The following CMKLR1 variants were observed in gnomAD, a reference collection of about 807,000 sequenced individuals.
CMKLR1 encodes the protein chemerin-like receptor 1.
In CMKLR1, 6 loss-of-function variants were observed where a neutral mutation model predicts 8.2. The observed-to-expected ratio is 0.73, with a 90% CI of 0.40 to 1.44. The LOEUF is 1.44. CMKLR1 is among the 40% of genes most tolerant of loss of function. The pLI, the probability that CMKLR1 is intolerant of heterozygous loss-of-function variation, is 0.02. For synonymous variants in CMKLR1, 178 were observed against 181.2 expected (o/e 0.98, Z 0.14); for missense variants, 429 against 478.0 (o/e 0.90, Z 0.96).
At chr12:108,298,936 G>A (rs540759557) in intron 2 of CMKLR1, among the ~76,000 whole-genome samples, 1 of 152,352 alleles carries the variant, frequency 6.6e-6, no homozygotes, top group South Asian at 2.1e-4. Flanking sequence ...TGCCAGGGAG[G>A]AGATGGCAGC....
At chr12:108,307,920 C>T (rs1258283449) in intron 2 of CMKLR1, among the ~76,000 whole-genome samples, 2 of 152,164 alleles carry the variant, frequency 1.3e-5, no homozygotes, top group Non-Finnish European at 2.9e-5. Flanking sequence ...CTGTGGCACA[C>T]CTAGAAAAAC....
chr12:108,292,554 G>C lies in CMKLR1; in HGVS notation c.409C>G (p.Arg137Gly). The C allele has an allele frequency of 1.2e-6, 2 of 1,614,132 alleles. No homozygotes were observed. The highest frequency in any genetic ancestry group is 1.7e-6 in the Non-Finnish European group (2 of 1,180,016). The change falls in exon 4 of 4, where the codon CGC becomes GGC. Residue 137 changes from arginine to glycine, a missense_variant. Transcript: ENST00000550402. ...VFLLTIISSD[R>G]CISVLLPVWS... ...ACAGGGAGGAGCACAGAGATGCAGC[G>C]GTCAGAGCTGATGATGGTCAGCAGG...
At chr12:108,324,010 C>T (rs984196768) in intron 2 of CMKLR1, among the ~76,000 whole-genome samples, 2 of 152,198 alleles carry the variant, frequency 1.3e-5, no homozygotes, top group East Asian at 3.9e-4. Flanking sequence ...CAGGTCCCCT[C>T]CCTGTCAGAG....
chr12:108,291,787 A>G lies in CMKLR1; in HGVS notation c.*54T>C. 6.5e-7 allele frequency: 1 copy of G among 1,540,732 alleles called. No individual in the cohort carries two copies. On this transcript the variant is annotated 3_prime_UTR_variant, in exon 4 of 4. Coordinates refer to ENST00000550402, the MANE Select transcript of CMKLR1 (RefSeq NM_001142343.2). ...TCTTGCCTTGATCTTCAGAAGACAT[A>G]TCCTTGGGTGTCCCTGGGTTGAGAG...
At chr12:108,326,838 A>C (rs1385513982) in intron 2 of CMKLR1, among the ~76,000 whole-genome samples, 6 of 152,206 alleles carry the variant, frequency 3.9e-5, no homozygotes, top group African/African-American at 1.4e-4. Flanking sequence ...CCTTATTTTA[A>C]GTGCAAGGAA....
intron 2 of CMKLR1, among the ~76,000 whole-genome samples, chr12:108,312,106 C>T (rs1021404103): frequency 6.6e-6 from 1 of 152,130 alleles, no homozygotes; most frequent in African/African-American, 2.4e-5. Flanking sequence ...AGCTTGACAC[C>T]CCCTCATCTC....
Position 108,292,280 on chromosome 12 carries a change from C to A in CMKLR1, c.683G>T (p.Gly228Val), listed in dbSNP as rs1427078083. The A allele has an allele frequency of 6.2e-7, 1 of 1,614,110 alleles. No homozygotes were observed. ...MVVTVTRFLC[G>V]FLVPVLIITA... is the part of the protein sequence containing the mutation. Reference sequence around the variant, plus strand: ...GATGATGAGGACTGGGACCAGGAAGCCACAGAGGAAGCGGGTGACAGTCAC... The same window carrying A: ...GATGATGAGGACTGGGACCAGGAAGACACAGAGGAAGCGGGTGACAGTCAC... Residue 228 changes from glycine to valine, a missense_variant, in exon 4 of 4, where the codon GGC becomes GTC. Coordinates refer to ENST00000550402, the MANE Select transcript of CMKLR1 (RefSeq NM_001142343.2).
intron 2 of CMKLR1, among the ~76,000 whole-genome samples, chr12:108,311,288 G>A (rs1047991642): frequency 4.6e-5 from 7 of 150,846 alleles, no homozygotes; most frequent in Middle Eastern, 3.5e-3. Context: ...ACATGAATGT[G>A]TGTATGTGTG....
chr12:108,331,414 T>A (rs1288419517), intron 1 of CMKLR1, among the ~76,000 whole-genome samples: 5 of 143,800 alleles, frequency 3.5e-5, no homozygotes, highest in Non-Finnish European at 4.5e-5. Context: ...TACACTTGCA[T>A]CCATTCTAAT....
At position 108,292,812 on chromosome 12, in the gene CMKLR1, A is replaced by G; in HGVS notation, c.151T>C (p.Cys51Arg). ...CCATTGCCCAGAATCCCGAGGAAGC[A>G]GACGATGCTGTAGACCACCACCAGG... ...IFLVVVYSIV[C>R]FLGILGNGLV... The change falls in exon 4 of 4, where the codon TGC (cysteine) becomes CGC (arginine). Residue 51 changes from cysteine to arginine, a missense_variant. Transcript: ENST00000550402. 6.2e-7 allele frequency: 1 copy of G among 1,614,180 alleles called. No individual in the cohort carries two copies. Among genetic ancestry groups the G allele is most frequent in the Non-Finnish European group, 8.5e-7 (1 of 1,180,032 alleles).
At chr12:108,312,823 A>G (rs1464298077) in intron 2 of CMKLR1, among the ~76,000 whole-genome samples, 3 of 151,846 alleles carry the variant, frequency 2.0e-5, no homozygotes, top group Admixed American at 6.6e-5. Flanking sequence ...CACATTCACA[A>G]TGCTACCTCA....
intron 2 of CMKLR1, among the ~76,000 whole-genome samples, chr12:108,324,172 CTG>C (rs1224528543): frequency 1.3e-5 from 2 of 152,166 alleles, no homozygotes; most frequent in Non-Finnish European, 2.9e-5. Context: ...TTTCTGGGAG[CTG>C]CATGTGATCA....
At chr12:108,313,436 G>A (rs1708507377) in intron 2 of CMKLR1, among the ~76,000 whole-genome samples, 1 of 152,212 alleles carries the variant, frequency 6.6e-6, no homozygotes, top group South Asian at 2.1e-4. Flanking sequence ...GCCTCACTCA[G>A]TTACAGCAAA....
intron 2 of CMKLR1, among the ~76,000 whole-genome samples, chr12:108,317,000 G>A (rs183155250): frequency 8.5e-5 from 13 of 152,130 alleles, no homozygotes; most frequent in South Asian, 2.1e-4. Context: ...ATGGGGTTTC[G>A]CCATGTTGGC....
At chr12:108,336,848 T>C (rs962212036) in intron 1 of CMKLR1, among the ~76,000 whole-genome samples, 1 of 152,254 alleles carries the variant, frequency 6.6e-6, no homozygotes, top group Non-Finnish European at 1.5e-5. Context: ...CTAATGTTTA[T>C]AGAGACCTTA....
Position 108,306,161 on chromosome 12 carries a change from A to G in CMKLR1, c.-73-12497T>C, listed in dbSNP as rs140068770. Reference sequence around the variant, plus strand: ...CCTCTGACCTCTGGTTTGATCCACAACTGCAGGCGTGGAGCGTGCGGTTGG... The same window carrying G: ...CCTCTGACCTCTGGTTTGATCCACAGCTGCAGGCGTGGAGCGTGCGGTTGG... On this transcript the variant is annotated intron_variant, in intron 2 of 3. Coordinates refer to ENST00000550402, the MANE Select transcript of CMKLR1 (RefSeq NM_001142343.2). 2.8e-4 allele frequency among the ~76,000 whole-genome samples: 42 copies of G among 152,160 alleles called. 1 individual carries two copies. Among genetic ancestry groups the G allele is most frequent in the Non-Finnish European group, 4.3e-4 (29 of 67,994 alleles).
At chr12:108,300,307 G>T (rs1182733671) in intron 2 of CMKLR1, among the ~76,000 whole-genome samples, 1 of 152,138 alleles carries the variant, frequency 6.6e-6, no homozygotes, top group Non-Finnish European at 1.5e-5. Flanking sequence ...TCACATTGGG[G>T]TCACTTCTGC....
Position 108,289,611 on chromosome 12 carries a change from C to T in CMKLR1, c.*2230G>A, listed in dbSNP as rs894517606. On this transcript the variant is annotated 3_prime_UTR_variant, in exon 4 of 4. Transcript: ENST00000550402. ...GCCAGGAGGGCCAAGGCGCTGACGA[C>T]TGCTGCTGTGACCCGGGACAGGTCC... is the stretch of plus-strand genomic sequence containing the variant. 12 of 152,286 alleles carry T rather than the reference C, an allele frequency of 7.9e-5. No individual in the cohort carries two copies. The highest frequency in any genetic ancestry group is 2.9e-4 in the African/African-American group (12 of 41,468). 9.4% of individuals were successfully genotyped at this position (152,286 alleles called of 1,614,324 possible).
intron 2 of CMKLR1, among the ~76,000 whole-genome samples, chr12:108,300,007 T>C (rs1891227752): frequency 6.6e-6 from 1 of 152,262 alleles, no homozygotes; most frequent in Admixed American, 6.5e-5. Flanking sequence ...CATATGCATC[T>C]GATTAGATAA....
Sources: allele counts gnomAD v4.1 joint callset (sites outside exome capture counted in the v4.1 genomes callset), GRCh38; gene constraint gnomAD v4.1.1; transcripts MANE v1.5; gene names NCBI Gene and HGNC (gene_info 2026-07-23, HGNC 2026-07-21).